RNF217: variants seen among roughly 807,000 people sequenced by gnomAD.
RNF217 encodes the protein ring finger protein 217.
Under a neutral mutation model 57.8 loss-of-function variants are expected in RNF217, and 31 were observed. The observed-to-expected ratio is 0.54, with a 90% CI of 0.40 to 0.72. RNF217 has a LOEUF of 0.72. Among genes scored for constraint, RNF217 ranks in the 30% least tolerant of loss-of-function variants. RNF217 has a pLI of 0.00. For missense variants in RNF217, 696 were observed against 708.3 expected, an observed-to-expected ratio of 0.98 and a Z score of 0.20; for synonymous variants, 313 against 294.0, an observed-to-expected ratio of 1.06 and a Z score of -0.66.
At position 124,962,715 on chromosome 6, in the gene RNF217, C is replaced by T. The variant is rs1418160755; in HGVS notation, c.171C>T (p.Ser57=). 2.7e-6 allele frequency: 4 copies of T among 1,480,224 alleles called. No individual in the cohort carries two copies. Among genetic ancestry groups the T allele is most frequent in the Non-Finnish European group, 3.5e-6 (4 of 1,129,436 alleles). 91.7% of individuals were successfully genotyped at this position (1,480,224 alleles called of 1,614,324 possible). ...SAEPSGGGCG[S]DWGCADTSAP... ...AGCCGAGCGGCGGTGGCTGCGGAAG[C>T]GACTGGGGCTGCGCGGACACCAGCG... The change falls in exon 1 of 6, where the codon AGC becomes AGT. Residue 57 remains serine, a synonymous_variant. Coordinates refer to ENST00000521654, the MANE Select transcript of RNF217 (RefSeq NM_001286398.3). The surrounding 1 kb of genome is among the most constrained non-coding windows in gnomAD (Gnocchi z 4.6).
Position 125,083,275 on chromosome 6 carries a change from T to G in RNF217, c.*338T>G, listed in dbSNP as rs147469054. On this transcript the variant is annotated 3_prime_UTR_variant, in exon 6 of 6. Transcript: ENST00000521654. ...TGAGCACGCCTCTTCTGAGAATTGC[T>G]TGGACTGTCTTTGAACTCTGCACCT... The G allele has an allele frequency of 4.2e-3, 750 of 180,332 alleles. 11 individuals carry two copies. The highest frequency in any genetic ancestry group is 0.017 in the African/African-American group (717 of 42,272). The allele number at this position is 180,332 out of a possible 1,614,324, so 11.2% of individuals were successfully genotyped here.
intron 1 of RNF217, among the ~76,000 whole-genome samples, chr6:125,039,516 A>T (rs521323): frequency 1.6e-4 from 24 of 152,016 alleles, no homozygotes; most frequent in African/African-American, 5.5e-4. Context: ...CTTTAACACC[A>T]CATTTTCAAT....
chr6:124,964,051 G>T (rs1426428838), intron 1 of RNF217, among the ~76,000 whole-genome samples: 1 of 152,180 alleles, frequency 6.6e-6, no homozygotes, highest in African/African-American at 2.4e-5. Context: ...GCAAAGAGAG[G>T]CTAAGAGGTT....
chr6:125,080,274 AC>A, intron 4 of RNF217, among the ~76,000 whole-genome samples: 1 of 152,044 alleles, frequency 6.6e-6, no homozygotes, highest in East Asian at 1.9e-4. Flanking sequence ...TATAAATAAA[AC>A]CCATATCTAG....
Position 124,963,122 on chromosome 6 carries a change from C to T in RNF217, c.578C>T (p.Pro193Leu). 6.5e-7 allele frequency: 1 copy of T among 1,535,068 alleles called. No individual in the cohort carries two copies. The highest frequency in any genetic ancestry group is 8.7e-7 in the Non-Finnish European group (1 of 1,146,440). The change falls in exon 1 of 6, where the codon CCA (proline) becomes CTA (leucine). Residue 193 changes from proline (P) to leucine (L), a missense_variant. Pro to Leu is a moderately conservative substitution (Grantham distance 98). Around this residue, in one of 2 missense-constraint regions of RNF217, gnomAD observed 465 missense variants for 386.8 expected, o/e 1.20. Coordinates refer to ENST00000521654, the MANE Select transcript of RNF217 (RefSeq NM_001286398.3). ...SPPASPPGAP[P>L]VLNPPSTRSS... is the part of the protein sequence containing the mutation. The stretch of plus-strand genomic sequence containing the variant: ...CCCGCGTCGCCACCTGGGGCTCCGC[C>T]AGTGTTGAACCCTCCCAGCACCCGC...
chr6:125,048,983 C>G (rs1787204393), intron 2 of RNF217, among the ~76,000 whole-genome samples: 1 of 152,038 alleles, frequency 6.6e-6, no homozygotes, highest in African/African-American at 2.4e-5. Flanking sequence ...AATCCAGTCT[C>G]ACTTTTTCAT....
intron 1 of RNF217, among the ~76,000 whole-genome samples, chr6:125,035,161 C>T (rs902512775): frequency 1.4e-4 from 22 of 152,274 alleles, no homozygotes; most frequent in African/African-American, 5.3e-4. Flanking sequence ...AATTTGACTT[C>T]CTCTTTTCCT....
chr6:125,008,068 G>A (rs1785260658), intron 1 of RNF217, among the ~76,000 whole-genome samples: 1 of 151,942 alleles, frequency 6.6e-6, no homozygotes, highest in Non-Finnish European at 1.5e-5. Flanking sequence ...CATCCCGGCT[G>A]ACATGGTGAA....
chr6:124,986,167 A>G (rs913889076), intron 1 of RNF217, among the ~76,000 whole-genome samples: 22 of 152,228 alleles, frequency 1.4e-4, no homozygotes, highest in African/African-American at 4.8e-4. Context: ...CCAAGTATAA[A>G]TAATGCATTT....
rs1005804876 is a variant in RNF217, at chr6:124,963,758, T to A, written c.882+332T>A. Among the ~76,000 whole-genome samples the A allele has an allele frequency of 2.6e-5, 4 of 152,350 alleles. No individual in the cohort carries two copies. In the South Asian group the frequency reaches 8.3e-4, roughly 32 times the overall value. On this transcript the variant is annotated intron_variant, in intron 1 of 5. Coordinates refer to ENST00000521654, the MANE Select transcript of RNF217 (RefSeq NM_001286398.3). The stretch of plus-strand genomic sequence containing the variant: ...AGAGGAAGAGACTGCCTCATCGGCC[T>A]GGTATCCCAGAAACTAACAAGCAGT...
At chr6:125,002,186 C>A (rs1356797477) in intron 1 of RNF217, among the ~76,000 whole-genome samples, 2 of 152,102 alleles carry the variant, frequency 1.3e-5, no homozygotes, top group African/African-American at 4.8e-5. Flanking sequence ...TTGTTAGCTT[C>A]TAAATGAAGT....
rs780398552 is a variant in RNF217 at position 124,962,805 on chromosome 6, T to A, written c.261T>A (p.Pro87=). ...GWSKSRAPAQ[P]AGLALTGPLN... ...GTAAGAGCCGAGCACCGGCGCAGCC[T>A]GCGGGACTGGCACTCACCGGGCCTC... Residue 87 remains proline (P), a synonymous_variant, in exon 1 of 6, where the codon CCT becomes CCA. Coordinates refer to ENST00000521654, the MANE Select transcript of RNF217 (RefSeq NM_001286398.3). This position sits in a 1 kb window ranked among gnomAD's most constrained non-coding sequence, Gnocchi z 4.6. 1 of 1,597,448 alleles carries A rather than the reference T, an allele frequency of 6.3e-7. No individual in the cohort carries two copies. The highest frequency in any genetic ancestry group is 1.7e-5 in the Admixed American group (1 of 60,008).
intron 1 of RNF217, among the ~76,000 whole-genome samples, chr6:124,966,584 CAT>C (rs1783552753): frequency 6.6e-6 from 1 of 152,214 alleles, no homozygotes; most frequent in African/African-American, 2.4e-5. Flanking sequence ...GTTTGTGCCA[CAT>C]AGTGCATTAT....
chr6:124,983,482 G>T, intron 1 of RNF217: 2 of 984,648 alleles, frequency 2.0e-6, no homozygotes, highest in Non-Finnish European at 2.4e-6. Context: ...GTCCTCACTT[G>T]TCACTAATGA....
At chr6:125,048,811 G>A (rs1439623406) in intron 2 of RNF217, among the ~76,000 whole-genome samples, 2 of 151,950 alleles carry the variant, frequency 1.3e-5, no homozygotes, top group Admixed American at 6.6e-5. Flanking sequence ...CTGTCCATTT[G>A]TCCTTCCAGG....
intron 2 of RNF217, among the ~76,000 whole-genome samples, chr6:125,052,844 T>C (rs1041829964): frequency 6.6e-6 from 1 of 152,136 alleles, no homozygotes; most frequent in Non-Finnish European, 1.5e-5. Context: ...TACCCGAATC[T>C]GACAGCCATG....
chr6:124,965,223 G>C (rs1016901590), intron 1 of RNF217, among the ~76,000 whole-genome samples: 2 of 152,146 alleles, frequency 1.3e-5, no homozygotes, highest in African/African-American at 4.8e-5. Context: ...ATTTCTGATT[G>C]TATGTATGTG....
chr6:125,051,397 G>A (rs767789057), intron 2 of RNF217, among the ~76,000 whole-genome samples: 5 of 151,730 alleles, frequency 3.3e-5, no homozygotes, highest in Middle Eastern at 6.8e-3. Context: ...TGGTCTGGAA[G>A]ATATTCTGAA....
intron 1 of RNF217, among the ~76,000 whole-genome samples, chr6:125,026,264 T>C (rs1056906280): frequency 1.3e-5 from 2 of 152,234 alleles, no homozygotes; most frequent in African/African-American, 4.8e-5. Context: ...GTCCAGGCTC[T>C]GCCAGTGACT....
Sources: allele counts gnomAD v4.1 joint callset (sites outside exome capture counted in the v4.1 genomes callset), GRCh38; gene constraint gnomAD v4.1.1; regional missense constraint gnomAD v4.1.1; non-coding constraint Gnocchi (gnomAD v3.1); transcripts MANE v1.5; gene names NCBI Gene and HGNC (gene_info 2026-07-23, HGNC 2026-07-21).